Variants in ZNF385D observed in about 807,000 individuals in gnomAD.
ZNF385D encodes zinc finger protein 385D, also known as zinc finger protein 659.
In ZNF385D, 15 loss-of-function variants were observed where a neutral mutation model predicts 35.8. The observed-to-expected ratio is 0.42, with a 90% confidence interval of 0.28 to 0.64. The LOEUF is 0.64. ZNF385D is among the 30% of genes least tolerant of loss of function. ZNF385D has a pLI of 0.23. For missense variants in ZNF385D, 474 were observed against 494.6 expected (o/e 0.96, Z 0.39); for synonymous variants, 212 against 186.8 (o/e 1.13, Z -1.10).
intron 7 of ZNF385D, among the ~76,000 whole-genome samples, chr3:21,423,212 G>A: frequency 6.6e-6 from 1 of 152,188 alleles, no homozygotes; most frequent in East Asian, 1.9e-4. Context: ...AGGACAGCTT[G>A]TACTGGGGTC....
Position 21,420,391 on chromosome 3 carries a change from A to G in ZNF385D, c.*823T>C, listed in dbSNP as rs748099235. The G allele has an allele frequency of 1.3e-5, 2 of 152,202 alleles. No individual in the cohort carries two copies. The highest frequency in any genetic ancestry group is 2.9e-5 in the Non-Finnish European group (2 of 68,028). The allele number at this position is 152,202 out of a possible 1,614,324, so 9.4% of individuals were successfully genotyped here. A position where few individuals can be genotyped will look rare whatever the true frequency, so the allele number is the denominator to read the frequency against. On this transcript the variant is annotated 3_prime_UTR_variant, in exon 8 of 8. Transcript: ENST00000281523. ...TTTCTCTGCTTTCAGATATAGGTTC[A>G]TTATAAACACTTCCCTGTTTCCAGC... is the stretch of plus-strand genomic sequence containing the variant.
intron 3 of ZNF385D, among the ~76,000 whole-genome samples, chr3:22,110,331 A>G (rs1176377687): frequency 6.6e-6 from 1 of 151,992 alleles, no homozygotes; most frequent in African/African-American, 2.4e-5. Flanking sequence ...GTAAAGACAC[A>G]TGCACACATA....
chr3:22,147,204 G>A (rs1161629328), intron 3 of ZNF385D, among the ~76,000 whole-genome samples: 1 of 152,174 alleles, frequency 6.6e-6, no homozygotes, highest in Non-Finnish European at 1.5e-5. Context: ...ATAAATAGCT[G>A]TTATTCTGGC....
intron 2 of ZNF385D, among the ~76,000 whole-genome samples, chr3:22,319,860 A>C (rs538569712): frequency 1.2e-4 from 19 of 152,188 alleles, no homozygotes; most frequent in African/African-American, 4.3e-4. Context: ...ATTTTTTTTT[A>C]AATAATGGTA....
intron 2 of ZNF385D, among the ~76,000 whole-genome samples, chr3:21,651,606 G>A (rs1418679960): frequency 6.6e-6 from 1 of 150,644 alleles, no homozygotes; most frequent in African/African-American, 2.4e-5. Flanking sequence ...TTAGAATAAT[G>A]CCATTTATAT....
rs551015733 is a variant in ZNF385D at position 22,191,759 on chromosome 3, T to G, written c.107-22724A>C. Among the ~76,000 whole-genome samples the G allele has an allele frequency of 1.6e-4, 24 of 152,246 alleles. 1 individual carries two copies. The highest frequency in any genetic ancestry group is 5.5e-4 in the African/African-American group (23 of 41,562). On this transcript the variant is annotated intron_variant, in intron 2 of 5. Transcript: ENST00000494108. ...GTTTGACTCATATTCTAAAGAATCA[T>G]AAAATAAAGACTATCATTAAAATAT...
At chr3:21,429,510 G>C (rs1464674935) in intron 5 of ZNF385D, among the ~76,000 whole-genome samples, 1 of 151,792 alleles carries the variant, frequency 6.6e-6, no homozygotes, top group Non-Finnish European at 1.5e-5. Context: ...GTTGTAATGA[G>C]CATCCTACTC....
At chr3:22,185,112 G>C (rs1291873071) in intron 2 of ZNF385D, among the ~76,000 whole-genome samples, 1 of 152,160 alleles carries the variant, frequency 6.6e-6, no homozygotes, top group African/African-American at 2.4e-5. Flanking sequence ...ATCTACCAAT[G>C]AGAGAGCAAT....
intron 2 of ZNF385D, among the ~76,000 whole-genome samples, chr3:22,325,145 A>G (rs1298638427): frequency 6.6e-6 from 1 of 152,246 alleles, no homozygotes; most frequent in African/African-American, 2.4e-5. Flanking sequence ...CTACAATATT[A>G]CTACAATAAA....
chr3:22,159,807 T>G (rs954008955), intron 3 of ZNF385D, among the ~76,000 whole-genome samples: 4 of 152,130 alleles, frequency 2.6e-5, no homozygotes, highest in Non-Finnish European at 4.4e-5. Context: ...AACAATTTAA[T>G]ATCTGCATTT....
intron 3 of ZNF385D, among the ~76,000 whole-genome samples, chr3:21,560,300 C>CT (rs2062895016): frequency 6.6e-6 from 1 of 152,202 alleles, no homozygotes; most frequent in African/African-American, 2.4e-5. Context: ...GTGGATTCAT[C>CT]TATCTTTGGT....
At chr3:21,771,293 G>T (rs561715739) in intron 3 of ZNF385D, among the ~76,000 whole-genome samples, 3 of 150,032 alleles carry the variant, frequency 2.0e-5, no homozygotes, top group African/African-American at 7.3e-5. Flanking sequence ...GTTGATCCTT[G>T]GCACAGGCAC....
chr3:21,465,305 C>T lies in ZNF385D; in HGVS notation c.440-28102G>A, dbSNP rs1703445525. Among the ~76,000 whole-genome samples the T allele has an allele frequency of 6.6e-6, 1 of 152,126 alleles. No individual in the cohort carries two copies. The highest frequency in any genetic ancestry group is 6.5e-5 in the Admixed American group (1 of 15,274). ...ATCCAGTTAGGTGTCTAATGCAAAA[C>T]ACACTAATTTTTAAAGGTTGTTCTC... is the stretch of plus-strand genomic sequence containing the variant. On this transcript the variant is annotated intron_variant, in intron 4 of 7. Coordinates refer to ENST00000281523, the MANE Select transcript of ZNF385D (RefSeq NM_024697.3). The surrounding 1 kb of genome is among the most constrained non-coding windows in gnomAD (Gnocchi z 4.2).
At chr3:21,868,099 A>C (rs1462550922) in intron 3 of ZNF385D, among the ~76,000 whole-genome samples, 1 of 152,154 alleles carries the variant, frequency 6.6e-6, no homozygotes, top group Non-Finnish European at 1.5e-5. Flanking sequence ...TAAGAAATGT[A>C]CAAGCATTTT....
rs1330845062 is a variant in ZNF385D, at chr3:21,421,387, G to C, written c.1015C>G (p.Pro339Ala). 6.2e-7 allele frequency: 1 copy of C among 1,613,686 alleles called. No individual in the cohort carries two copies. The highest frequency in any genetic ancestry group is 1.3e-5 in the African/African-American group (1 of 75,002). Residue 339 changes from proline (P) to alanine (A), a missense_variant, in exon 8 of 8, where the codon CCT becomes GCT. Physicochemically the swap from Pro to Ala is conservative, Grantham distance 27. Transcript: ENST00000281523. Reference sequence around the variant, plus strand: ...GCTGCGGCTGCTGCAGCTGCTAGAGGATTTGGTAGAATTCGTGGAGCCAAT... The same window carrying C: ...GCTGCGGCTGCTGCAGCTGCTAGAGCATTTGGTAGAATTCGTGGAGCCAAT... ...KPLAPRILPN[P>A]LAAAAAAAAV... is the part of the protein sequence containing the mutation.
intron 3 of ZNF385D, among the ~76,000 whole-genome samples, chr3:22,143,192 C>T (rs1704633034): frequency 6.6e-6 from 1 of 151,826 alleles, no homozygotes. Context: ...ACTCCATTCT[C>T]CTGCCTCAGC....
At chr3:21,695,567 A>G (rs1443730174) in intron 1 of ZNF385D, among the ~76,000 whole-genome samples, 2 of 152,150 alleles carry the variant, frequency 1.3e-5, no homozygotes, top group African/African-American at 4.8e-5. Context: ...TCTTTCTCAG[A>G]TAATGCCAGA....
At position 21,412,355 on chromosome 3, in the gene ZNF385D, A is replaced by ACTC. The variant is rs1287601698; in HGVS notation, c.*8856_*8858dup. 2 of 152,066 alleles carry ACTC rather than the reference A, an allele frequency of 1.3e-5. No individual in the cohort carries two copies. Among genetic ancestry groups the ACTC allele is most frequent in the African/African-American group, 4.8e-5 (2 of 41,412 alleles). The allele number at this position is 152,066 out of a possible 1,614,324, so 9.4% of individuals were successfully genotyped here. ...AGTCGTGTTATATAGGTTTACCATA[A>ACTC]CTCTCAGAACAGGAGTATATTACAA... On this transcript the variant is annotated 3_prime_UTR_variant, in exon 8 of 8. Coordinates refer to ENST00000281523, the MANE Select transcript of ZNF385D (RefSeq NM_024697.3).
intron 3 of ZNF385D, among the ~76,000 whole-genome samples, chr3:21,881,937 C>G (rs116712833): frequency 6.6e-6 from 1 of 151,906 alleles, no homozygotes. Context: ...AGAAGTGGAG[C>G]CTAAAGATGT....
Sources: gnomAD v4.1 joint callset for allele counts (sites outside exome capture counted in the v4.1 genomes callset) on GRCh38, gnomAD v4.1.1 for gene constraint, Gnocchi (gnomAD v3.1) non-coding constraint, MANE v1.5 for transcripts, NCBI Gene and HGNC (gene_info 2026-07-23, HGNC 2026-07-21) for gene names.